Variants in ZFYVE9 observed in about 807,000 individuals in gnomAD.
ZFYVE9 encodes the protein zinc finger FYVE domain-containing protein 9.
Under a neutral mutation model 126.7 loss-of-function variants are expected in ZFYVE9, and 43 were observed. The observed-to-expected ratio is 0.34, with a 90% CI of 0.27 to 0.44. The LOEUF (loss-of-function observed/expected upper bound fraction) is 0.44, where lower values mean the gene tolerates loss of function less well. Ranked by LOEUF, ZFYVE9 falls within the 20% of genes least tolerant of loss-of-function variation. ZFYVE9 has a pLI of 1.00. For missense variants in ZFYVE9, 1,476 were observed against 1,697.0 expected (o/e 0.87, Z 2.29); for synonymous variants, 521 against 597.4 (o/e 0.87, Z 1.87).
At chr1:52,279,187 A>G (rs1315689638) in intron 9 of ZFYVE9, among the ~76,000 whole-genome samples, 1 of 152,186 alleles carries the variant, frequency 6.6e-6, no homozygotes, top group East Asian at 1.9e-4. Context: ...AAGCCAAACA[A>G]ATCTTGAACT....
At chr1:52,298,982 G>A (rs1258139958) in intron 12 of ZFYVE9, among the ~76,000 whole-genome samples, 2 of 151,668 alleles carry the variant, frequency 1.3e-5, no homozygotes, top group African/African-American at 2.4e-5. Flanking sequence ...CCAATTTTTT[G>A]TACTTTTAGT....
chr1:52,153,008 T>C (rs1358735359), intron 1 of ZFYVE9, among the ~76,000 whole-genome samples: 2 of 152,196 alleles, frequency 1.3e-5, no homozygotes, highest in Non-Finnish European at 2.9e-5. Context: ...AGAGCACATA[T>C]TGCCTGTTAG....
At chr1:52,320,965 C>G (rs1306873014) in intron 13 of ZFYVE9, among the ~76,000 whole-genome samples, 1 of 152,044 alleles carries the variant, frequency 6.6e-6, no homozygotes, top group Non-Finnish European at 1.5e-5. Context: ...AAGAGTTAAC[C>G]TATCGAAGTC....
rs752153557 is a variant in ZFYVE9, at chr1:52,237,760, T to C, written c.343T>C (p.Leu115=). The change falls in exon 4 of 19, where the codon TTA becomes CTA. Residue 115 remains leucine, a synonymous_variant. Coordinates refer to ENST00000287727, the MANE Select transcript of ZFYVE9 (RefSeq NM_004799.4). ...TGAAAATGCTGTTGCAGAAGACCAG[T>C]TAATTAAGAGAAACTATAGTTGGGA... ...IDENAVAEDQ[L]IKRNYSWDDQ... 11 of 1,613,932 alleles carry C rather than the reference T, an allele frequency of 6.8e-6. No homozygotes were observed. Among genetic ancestry groups the C allele is most frequent in the Middle Eastern group, 3.3e-4 (2 of 6,084 alleles).
chr1:52,159,088 G>A (rs565896250), intron 1 of ZFYVE9, among the ~76,000 whole-genome samples: 17 of 152,246 alleles, frequency 1.1e-4, no homozygotes, highest in African/African-American at 3.9e-4. Context: ...CACCGCGCCC[G>A]GCTATTCTTG....
chr1:52,268,371 G>T, intron 6 of ZFYVE9, 92 bp from the exon 7 acceptor site: 1 of 1,343,412 alleles, frequency 7.4e-7, no homozygotes, highest in Non-Finnish European at 1.0e-6. Context: ...TGATTTCTTT[G>T]TACATCTGGA....
chr1:52,218,814 G>T (rs1272427528), intron 2 of ZFYVE9, among the ~76,000 whole-genome samples: 1 of 152,152 alleles, frequency 6.6e-6, no homozygotes, highest in East Asian at 1.9e-4. Context: ...GCGGGTAATG[G>T]GGGGAGATGG....
chr1:52,156,046 G>T (rs141407664), intron 1 of ZFYVE9, among the ~76,000 whole-genome samples: 1 of 152,166 alleles, frequency 6.6e-6, no homozygotes, highest in Non-Finnish European at 1.5e-5. Flanking sequence ...TATCACTGAC[G>T]TGATGGATCT....
chr1:52,213,318 G>A (rs638697), intron 1 of ZFYVE9, among the ~76,000 whole-genome samples: 1,744 of 151,888 alleles, frequency 0.011, 24 homozygotes, highest in African/African-American at 0.04. Context: ...TTATTTTATT[G>A]TATGTCACTT....
intron 1 of ZFYVE9, among the ~76,000 whole-genome samples, chr1:52,168,573 G>T (rs181030355): frequency 6.6e-6 from 1 of 150,754 alleles, no homozygotes; most frequent in African/African-American, 2.4e-5. Flanking sequence ...GCTGGAGTGC[G>T]GTGGCTTGAT....
chr1:52,320,366 G>A (rs948043695), intron 13 of ZFYVE9, among the ~76,000 whole-genome samples: 14 of 152,082 alleles, frequency 9.2e-5, no homozygotes, highest in Admixed American at 7.9e-4. Context: ...CACCGTGCCC[G>A]GCTGTTAAGA....
In ZFYVE9 at chr1:52,263,771, A is replaced by T; in HGVS notation, c.2179-2A>T. 3.2e-6 allele frequency: 1 copy of T among 310,590 alleles called. No homozygotes were observed. The highest frequency in any genetic ancestry group is 5.3e-6 in the Non-Finnish European group (1 of 188,092). The allele number at this position is 310,590 out of a possible 1,614,324, so 19.2% of individuals were successfully genotyped here. A position where few individuals can be genotyped will look rare whatever the true frequency, so the allele number is the denominator to read the frequency against. Reference sequence around the variant, plus strand: ...GTGTTCTTCCCCCCCCCCCCCCCACAGGTTTTCTGTGCTTCCTGCTGTAGC... The same window carrying T: ...GTGTTCTTCCCCCCCCCCCCCCCACTGGTTTTCTGTGCTTCCTGCTGTAGC... On this transcript the variant is annotated splice_acceptor_variant, in intron 4 of 18. Coordinates refer to ENST00000287727, the MANE Select transcript of ZFYVE9 (RefSeq NM_004799.4). LOFTEE classifies it high-confidence loss of function.
chr1:52,171,154 C>T (rs1454512880), intron 1 of ZFYVE9, among the ~76,000 whole-genome samples: 1 of 151,918 alleles, frequency 6.6e-6, no homozygotes, highest in African/African-American at 2.4e-5. Flanking sequence ...CTCCCCGCTC[C>T]CCCCACCCCA....
At chr1:52,171,477 T>C (rs1644568541) in intron 1 of ZFYVE9, among the ~76,000 whole-genome samples, 1 of 152,360 alleles carries the variant, frequency 6.6e-6, no homozygotes, top group East Asian at 1.9e-4. Context: ...CATGTGTCTT[T>C]ACAGCAGCAT....
Position 52,239,120 on chromosome 1 carries a change from G to C in ZFYVE9, c.1703G>C (p.Ser568Thr). The C allele has an allele frequency of 6.2e-7, 1 of 1,614,084 alleles. No individual in the cohort carries two copies. ...CAATCTTCCCCCAAGGTAGTAGCAA[G>C]CCTGCCATCTATCAGTGTTCCTTTT... ...LGQSSPKVVASLPSISVPFGG... is the reference protein window; with the variant it reads ...LGQSSPKVVATLPSISVPFGG... Residue 568 changes from serine (S) to threonine (T), a missense_variant, in exon 4 of 19, where the codon AGC becomes ACC. This residue lies in a region of ZFYVE9 where 807 missense variants were observed against 794.6 expected (regional missense o/e 1.02). Coordinates refer to ENST00000287727, the MANE Select transcript of ZFYVE9 (RefSeq NM_004799.4).
At chr1:52,337,678 C>A in intron 15 of ZFYVE9, 94 bp from the exon 16 acceptor site, 1 of 1,418,244 alleles carries the variant, frequency 7.1e-7, no homozygotes, top group Non-Finnish European at 9.6e-7. Context: ...CTTTGGAAAG[C>A]AGAGCTAAGG....
chr1:52,176,822 C>T (rs1351559576), intron 1 of ZFYVE9, among the ~76,000 whole-genome samples: 7 of 152,160 alleles, frequency 4.6e-5, no homozygotes, highest in African/African-American at 1.2e-4. Context: ...TCTCCTGGTG[C>T]GCCGTTTCCT....
intron 1 of ZFYVE9, among the ~76,000 whole-genome samples, chr1:52,176,110 T>C (rs1055761911): frequency 6.6e-6 from 1 of 152,248 alleles, no homozygotes; most frequent in Non-Finnish European, 1.5e-5. Flanking sequence ...CTCTGTTTTT[T>C]CCTCATCTTT....
chr1:52,237,855 G>C lies in ZFYVE9; in HGVS notation c.438G>C (p.Lys146Asn), dbSNP rs1461165932. The C allele has an allele frequency of 8.1e-6, 13 of 1,614,094 alleles. No individual in the cohort carries two copies. Among genetic ancestry groups the C allele is most frequent in the Non-Finnish European group, 1.1e-5 (13 of 1,179,982 alleles). ...CGNLACLPDE[K>N]NVLVVAVMHN... ...ACCTGGCTTGTCTGCCAGATGAGAA[G>C]AATGTTCTTGTTGTAGCCGTCATGC... is the stretch of plus-strand genomic sequence containing the variant. Residue 146 changes from lysine (K) to asparagine (N), a missense_variant, in exon 4 of 19, where the codon AAG becomes AAC. Around this residue, in one of 2 missense-constraint regions of ZFYVE9, gnomAD observed 807 missense variants for 794.6 expected, o/e 1.02. Coordinates refer to ENST00000287727, the MANE Select transcript of ZFYVE9 (RefSeq NM_004799.4).
Sources: allele counts gnomAD v4.1 joint callset (sites outside exome capture counted in the v4.1 genomes callset), GRCh38; gene constraint gnomAD v4.1.1; regional missense constraint gnomAD v4.1.1; transcripts MANE v1.5; gene names NCBI Gene and HGNC (gene_info 2026-07-23, HGNC 2026-07-21).